The following GTF2H3 variants were observed in gnomAD, a reference collection of about 807,000 sequenced individuals.
GTF2H3 encodes TFIIH basal transcription factor complex p34 subunit.
GTF2H3 carries 42 observed loss-of-function variants against 51.1 expected under a neutral mutation model. The ratio of observed to expected loss-of-function variants is 0.82; its 90% CI spans 0.64 to 1.06. GTF2H3 has a LOEUF of 1.06. Ranked by LOEUF, GTF2H3 falls within the 50% of genes least tolerant of loss-of-function variation. GTF2H3 has a pLI of 0.00. For missense variants in GTF2H3, 326 were observed against 366.1 expected, an observed-to-expected ratio of 0.89 and a Z score of 0.89; for synonymous variants, 123 against 123.8, an observed-to-expected ratio of 0.99 and a Z score of 0.04.
At chr12:123,651,985 T>C (rs1955526645) in intron 5 of GTF2H3, among the ~76,000 whole-genome samples, 1 of 152,216 alleles carries the variant, frequency 6.6e-6, no homozygotes, top group Admixed American at 6.5e-5. Flanking sequence ...CATTTTCATT[T>C]TCTTCTTGAC....
chr12:123,646,192 A>G (rs1751122600), intron 3 of GTF2H3, among the ~76,000 whole-genome samples: 1 of 151,946 alleles, frequency 6.6e-6, no homozygotes, highest in African/African-American at 2.4e-5. Context: ...GGCCATATTT[A>G]CTTCTCACAT....
intron 2 of GTF2H3, among the ~76,000 whole-genome samples, chr12:123,641,365 A>T (rs1955368900): frequency 6.6e-6 from 1 of 151,806 alleles, no homozygotes; most frequent in Admixed American, 6.6e-5. Context: ...AGCTGGGACC[A>T]CAGGCGTGTA....
intron 1 of GTF2H3, among the ~76,000 whole-genome samples, chr12:123,637,441 G>A (rs1258596102): frequency 1.3e-5 from 2 of 151,722 alleles, no homozygotes; most frequent in East Asian, 3.9e-4. Context: ...TTAGTTTAGA[G>A]AATAGAATTC....
intron 9 of GTF2H3, among the ~76,000 whole-genome samples, chr12:123,659,121 T>C (rs1157538123): frequency 3.9e-5 from 6 of 152,206 alleles, no homozygotes; most frequent in Non-Finnish European, 4.4e-5. Context: ...TAAAATGGTA[T>C]AGCCACTTCA....
intron 1 of GTF2H3, among the ~76,000 whole-genome samples, chr12:123,634,357 A>C (rs576665558): frequency 6.4e-4 from 97 of 152,292 alleles, no homozygotes; most frequent in Admixed American, 4.6e-4. Context: ...CGGGAGAATC[A>C]CTTGAGCCCA....
chr12:123,655,429 A>C (rs1955574371), intron 8 of GTF2H3: 1 of 308,692 alleles, frequency 3.2e-6, no homozygotes, highest in Non-Finnish European at 5.9e-6. Flanking sequence ...TGTGTTTATG[A>C]AGAAAGAAAA....
At chr12:123,653,861 A>T (rs1955550413) in intron 7 of GTF2H3, among the ~76,000 whole-genome samples, 1 of 152,134 alleles carries the variant, frequency 6.6e-6, no homozygotes, top group African/African-American at 2.4e-5. Context: ...TTTAGTAATC[A>T]CTGCTTATTT....
intron 1 of GTF2H3, among the ~76,000 whole-genome samples, chr12:123,635,222 C>A (rs1955261325): frequency 6.6e-6 from 1 of 152,110 alleles, no homozygotes; most frequent in African/African-American, 2.4e-5. Context: ...TGCTTCTGTC[C>A]TAGGTGCTTT....
intron 10 of GTF2H3, 91 bp from the exon 11 acceptor site, chr12:123,659,704 C>T (rs971215496): frequency 6.9e-7 from 1 of 1,451,376 alleles, no homozygotes; most frequent in Non-Finnish European, 9.6e-7. Flanking sequence ...TAAATGGAGG[C>T]CTTGGAGTTC....
At position 123,659,589 on chromosome 12, in the gene GTF2H3, G is replaced by A. The variant is rs1955628807; in HGVS notation, c.684+5G>A. 1 of 1,613,262 alleles carries A rather than the reference G, an allele frequency of 6.2e-7. No homozygotes were observed. Among genetic ancestry groups the A allele is most frequent in the Non-Finnish European group, 8.5e-7 (1 of 1,179,288 alleles). On this transcript the variant is annotated splice_donor_5th_base_variant and intron_variant, in intron 10 of 12. Transcript: ENST00000543341. ...TCTCTTCTGCAGTATTTGCTGGTAA[G>A]GAGACAGCAGCGGCGACCCTGATGC...
chr12:123,640,350 T>C (rs1955351656), intron 2 of GTF2H3, among the ~76,000 whole-genome samples: 1 of 151,234 alleles, frequency 6.6e-6, no homozygotes, highest in African/African-American at 2.4e-5. Flanking sequence ...TTTTTTTTTT[T>C]TTTGAGACGG....
intron 12 of GTF2H3, 24 bp downstream of exon 12, chr12:123,660,106 G>T (rs1223899420): frequency 1.2e-6 from 2 of 1,607,854 alleles, no homozygotes; most frequent in African/African-American, 2.7e-5. Context: ...AGATTGTGTG[G>T]GTGGCTAATA....
chr12:123,646,578 A>G (rs534012782), intron 3 of GTF2H3, among the ~76,000 whole-genome samples: 32 of 152,036 alleles, frequency 2.1e-4, no homozygotes, highest in Middle Eastern at 6.8e-3. Context: ...TGTCTTAATC[A>G]CCACATTACA....
chr12:123,638,518 G>C (rs1048070857), intron 1 of GTF2H3, among the ~76,000 whole-genome samples: 4 of 151,960 alleles, frequency 2.6e-5, no homozygotes, highest in African/African-American at 9.7e-5. Context: ...ATATTGCCCA[G>C]GCTGGTCTTG....
At position 123,661,116 on chromosome 12, in the gene GTF2H3, A is replaced by C. The variant is rs888887696; in HGVS notation, c.*881A>C. ...AGAGCAGCCTGGGCAGCAAAGTGAGACCCCATCTCTACTAAAAATTTAAAT... is the reference window on the plus strand; with the variant it reads ...AGAGCAGCCTGGGCAGCAAAGTGAGCCCCCATCTCTACTAAAAATTTAAAT... On this transcript the variant is annotated 3_prime_UTR_variant, in exon 13 of 13. Coordinates refer to ENST00000543341, the MANE Select transcript of GTF2H3 (RefSeq NM_001516.5). 6.6e-6 allele frequency: 1 copy of C among 151,794 alleles called. No individual in the cohort carries two copies. Among genetic ancestry groups the C allele is most frequent in the African/African-American group, 2.4e-5 (1 of 41,308 alleles). The allele number at this position is 151,794 out of a possible 1,614,324, so 9.4% of individuals were successfully genotyped here.
chr12:123,639,472 ATTTT>A, intron 2 of GTF2H3, 129 bp downstream of exon 2: 1 of 550,362 alleles, frequency 1.8e-6, no homozygotes, highest in South Asian at 2.8e-5. Flanking sequence ...CAATTCAGTG[ATTTT>A]TTTTAAGTAA....
At position 123,659,754 on chromosome 12, in the gene GTF2H3, A is replaced by G. The variant is rs771302619; in HGVS notation, c.685-41A>G. The G allele has an allele frequency of 3.2e-5, 51 of 1,593,352 alleles. No individual in the cohort carries two copies. The Middle Eastern group carries it at 5.0e-4, about 16-fold the overall frequency. The stretch of plus-strand genomic sequence containing the variant: ...GTGGGCTTCATGTTATTTTTTTCCC[A>G]TGTTTTAAATAAAAGTTTCTTTTGT... On this transcript the variant is annotated intron_variant, in intron 10 of 12. Coordinates refer to ENST00000543341, the MANE Select transcript of GTF2H3 (RefSeq NM_001516.5).
chr12:123,649,657 T>G (rs1443240884), intron 4 of GTF2H3: 1 of 152,212 alleles, frequency 6.6e-6, no homozygotes, highest in East Asian at 1.9e-4. Flanking sequence ...TTTCCAAACC[T>G]TAGCCTGAAT....
chr12:123,647,551 T>C (rs1327858714), intron 3 of GTF2H3, among the ~76,000 whole-genome samples: 1 of 152,134 alleles, frequency 6.6e-6, no homozygotes, highest in Non-Finnish European at 1.5e-5. Flanking sequence ...GGGATAGATA[T>C]GTACCTCAAA....
Sources: allele counts gnomAD v4.1 joint callset (sites outside exome capture counted in the v4.1 genomes callset), GRCh38; gene constraint gnomAD v4.1.1; transcripts MANE v1.5; gene names NCBI Gene and HGNC (gene_info 2026-07-23, HGNC 2026-07-21).